The following PHC3 variants were observed in gnomAD, a reference collection of about 807,000 sequenced individuals.
PHC3 encodes the protein polyhomeotic-like protein 3.
PHC3 carries 13 observed loss-of-function variants against 107.4 expected under a neutral mutation model. The ratio of observed to expected loss-of-function variants is 0.12; its 90% CI spans 0.08 to 0.19. The LOEUF (loss-of-function observed/expected upper bound fraction) is 0.19, where lower values mean the gene tolerates loss of function less well. Ranked by LOEUF, PHC3 falls within the 10% of genes least tolerant of loss-of-function variation. PHC3 has a pLI of 1.00. For missense variants in PHC3, 992 were observed against 1,210.9 expected, an observed-to-expected ratio of 0.82 and a Z score of 2.68; for synonymous variants, 456 against 427.4, an observed-to-expected ratio of 1.07 and a Z score of -0.83.
At chr3:170,166,683 G>T (rs1728799885) in intron 4 of PHC3, among the ~76,000 whole-genome samples, 1 of 148,916 alleles carries the variant, frequency 6.7e-6, no homozygotes, top group South Asian at 2.2e-4. Context: ...GGCTTTTTTT[G>T]AAACAGGGCC....
chr3:170,137,916 C>T (rs1401529296), intron 6 of PHC3, among the ~76,000 whole-genome samples: 4 of 152,078 alleles, frequency 2.6e-5, no homozygotes, highest in Non-Finnish European at 5.9e-5. Flanking sequence ...GCTGTCCTTT[C>T]TCAGGCTGGG....
chr3:170,159,913 T>C (rs1727597769), intron 4 of PHC3, among the ~76,000 whole-genome samples: 1 of 152,204 alleles, frequency 6.6e-6, no homozygotes, highest in Non-Finnish European at 1.5e-5. Context: ...ACAGAATTCA[T>C]GTAAAGATAA....
At chr3:170,110,564 T>C (rs1200541695) in intron 11 of PHC3, among the ~76,000 whole-genome samples, 2 of 152,224 alleles carry the variant, frequency 1.3e-5, no homozygotes. Context: ...CTAAATTCTG[T>C]CTATATAATT....
At position 170,097,547 on chromosome 3, in the gene PHC3, T is replaced by C. The variant is rs552869175; in HGVS notation, c.2834-163A>G. 1.9e-4 allele frequency among the ~76,000 whole-genome samples: 29 copies of C among 152,294 alleles called. No individual in the cohort carries two copies. Among genetic ancestry groups the C allele is most frequent in the Non-Finnish European group, 4.0e-4 (27 of 68,016 alleles). ...TAGTCTTGAGTTCACTCTTGAAGAA[T>C]AGAGTATTTGCATTCTGAAAATAAG... On this transcript the variant is annotated intron_variant, in intron 14 of 14. Transcript: ENST00000495893. The surrounding 1 kb of genome is among the most constrained non-coding windows in gnomAD (Gnocchi z 4.1).
At chr3:170,148,000 G>A (rs543001437) in intron 5 of PHC3, 1 of 152,202 alleles carries the variant, frequency 6.6e-6, no homozygotes, top group South Asian at 2.1e-4. Flanking sequence ...AGCCAGGTGT[G>A]GTGGTTCATG....
intron 9 of PHC3, 97 bp downstream of exon 9, chr3:170,122,493 CA>C: frequency 7.6e-7 from 1 of 1,312,360 alleles, no homozygotes; most frequent in Non-Finnish European, 1.1e-6. Context: ...GTTCCAGCTA[CA>C]AAAAGGGTGA....
chr3:170,159,156 C>G (rs940639626), intron 4 of PHC3, among the ~76,000 whole-genome samples: 1 of 146,928 alleles, frequency 6.8e-6, no homozygotes, highest in Non-Finnish European at 1.5e-5. Context: ...GAGGCTGAGG[C>G]AGGAGAACGG....
intron 4 of PHC3, chr3:170,171,099 A>C: frequency 2.1e-6 from 1 of 477,508 alleles, no homozygotes; most frequent in Non-Finnish European, 3.6e-6. Flanking sequence ...CTTTCAATAC[A>C]CACAGAAAGC....
chr3:170,169,402 C>T (rs543305181), intron 4 of PHC3, among the ~76,000 whole-genome samples: 1 of 152,170 alleles, frequency 6.6e-6, no homozygotes, highest in Admixed American at 6.5e-5. Context: ...CATGCTCCCC[C>T]CCGTTTTTGG....
chr3:170,175,978 A>G (rs1024272871), intron 2 of PHC3, among the ~76,000 whole-genome samples: 1 of 151,522 alleles, frequency 6.6e-6, no homozygotes, highest in Admixed American at 6.6e-5. Context: ...CTGTGATCCT[A>G]GCACTTTGGG....
chr3:170,129,285 A>G lies in PHC3; in HGVS notation c.1187T>C (p.Val396Ala). The G allele has an allele frequency of 5.0e-6, 8 of 1,613,946 alleles. No homozygotes were observed. Among genetic ancestry groups the G allele is most frequent in the Non-Finnish European group, 5.9e-6 (7 of 1,179,864 alleles). The change falls in exon 8 of 15, where the codon GTG becomes GCG. Residue 396 changes from valine to alanine, a missense_variant. Transcript: ENST00000495893. ...PIQSHPSPLT[V>A]SPNQSQSAQQ... Reference sequence around the variant, plus strand: ...TGCTGACTGTGACTGATTAGGAGACACTGTTAAAGGAGAGGGATGACTCTG... The same window carrying G: ...TGCTGACTGTGACTGATTAGGAGACGCTGTTAAAGGAGAGGGATGACTCTG...
At chr3:170,099,703 A>C (rs1715172472) in intron 14 of PHC3, among the ~76,000 whole-genome samples, 1 of 152,190 alleles carries the variant, frequency 6.6e-6, no homozygotes. Flanking sequence ...CTAAACTCAA[A>C]ATAAAACACC....
intron 10 of PHC3, among the ~76,000 whole-genome samples, chr3:170,114,315 A>C (rs923572451): frequency 3.9e-5 from 6 of 152,136 alleles, no homozygotes; most frequent in Non-Finnish European, 8.8e-5. Context: ...GGCCAATTTT[A>C]GTGTTTTCCA....
intron 1 of PHC3, 150 bp from the exon 2 acceptor site, chr3:170,179,088 T>C: frequency 1.4e-6 from 1 of 704,848 alleles, no homozygotes; most frequent in Non-Finnish European, 2.4e-6. Context: ...TATAAGCACT[T>C]AGAAGGGAAA....
rs2108269435 is a variant in PHC3, at chr3:170,102,465, G to A, written c.2833+14C>T. On this transcript the variant is annotated intron_variant, in intron 14 of 14. Coordinates refer to ENST00000495893, the MANE Select transcript of PHC3 (RefSeq NM_024947.4). Reference sequence around the variant, plus strand: ...ACAAGAAAAATATTAAGGCCAAAGTGATGAATTACATACCAGGCAAAGAAT... The same window carrying A: ...ACAAGAAAAATATTAAGGCCAAAGTAATGAATTACATACCAGGCAAAGAAT... The A allele has an allele frequency of 6.2e-7, 1 of 1,610,170 alleles. No individual in the cohort carries two copies.
At chr3:170,164,992 T>C (rs1728493440) in intron 4 of PHC3, among the ~76,000 whole-genome samples, 1 of 152,150 alleles carries the variant, frequency 6.6e-6, no homozygotes, top group Non-Finnish European at 1.5e-5. Context: ...AGGACTTTCA[T>C]ACTAGCCAGG....
At position 170,164,417 on chromosome 3, in the gene PHC3, A is replaced by G. The variant is rs59792585; in HGVS notation, c.414+6956T>C. Reference sequence around the variant, plus strand: ...TTCCTCAGAGATGACCACTAATAACAGTTTGTTGTGTACCATTACAGATCT... The same window carrying G: ...TTCCTCAGAGATGACCACTAATAACGGTTTGTTGTGTACCATTACAGATCT... On this transcript the variant is annotated intron_variant, in intron 4 of 14. Transcript: ENST00000495893. 8.0e-3 allele frequency among the ~76,000 whole-genome samples: 1,216 copies of G among 152,304 alleles called. 15 individuals are homozygous for G. The highest frequency in any genetic ancestry group is 0.027 in the African/African-American group (1,119 of 41,570).
At chr3:170,171,521 C>T (rs1729598927) in intron 3 of PHC3, 71 bp from the exon 4 acceptor site, 2 of 1,026,114 alleles carry the variant, frequency 1.9e-6, no homozygotes, top group Non-Finnish European at 2.8e-6. Context: ...ACCATGATAA[C>T]ACAAAACCAC....
At chr3:170,164,165 C>T (rs1171165539) in intron 4 of PHC3, among the ~76,000 whole-genome samples, 3 of 152,172 alleles carry the variant, frequency 2.0e-5, no homozygotes, top group East Asian at 1.9e-4. Context: ...CACTGCCCTC[C>T]GGCCTGGCCA....
Sources: allele counts gnomAD v4.1 joint callset (sites outside exome capture counted in the v4.1 genomes callset), GRCh38; gene constraint gnomAD v4.1.1; non-coding constraint Gnocchi (gnomAD v3.1); transcripts MANE v1.5; gene names NCBI Gene and HGNC (gene_info 2026-07-23, HGNC 2026-07-21).